Variants in MACROD2 observed in about 807,000 individuals in gnomAD.
MACROD2 encodes ADP-ribose glycohydrolase MACROD2.
MACROD2 carries 36 observed loss-of-function variants against 70.4 expected under a neutral mutation model. The observed-to-expected ratio is 0.51, with a 90% confidence interval of 0.39 to 0.68. The LOEUF (loss-of-function observed/expected upper bound fraction) is 0.68, where lower values mean the gene tolerates loss of function less well. Ranked by LOEUF, MACROD2 falls within the 30% of genes least tolerant of loss-of-function variation. The pLI, the probability that MACROD2 is intolerant of heterozygous loss-of-function variation, is 0.00. For synonymous variants in MACROD2, 172 were observed against 178.8 expected (o/e 0.96, Z 0.30); for missense variants, 496 against 538.4 (o/e 0.92, Z 0.78).
chr20:14,335,146 G>C (rs1420213312), intron 3 of MACROD2, among the ~76,000 whole-genome samples: 1 of 152,186 alleles, frequency 6.6e-6, no homozygotes, highest in Admixed American at 6.5e-5. Context: ...GCCTTAGGGT[G>C]TGTGGCCAAG....
chr20:14,169,924 C>T (rs928430298), intron 3 of MACROD2, among the ~76,000 whole-genome samples: 13 of 151,888 alleles, frequency 8.6e-5, no homozygotes, highest in Non-Finnish European at 1.2e-4. Context: ...GACAGAGTCT[C>T]GCTCTGTCGC....
At chr20:14,868,747 C>T (rs1033388665) in intron 5 of MACROD2, among the ~76,000 whole-genome samples, 2 of 152,094 alleles carry the variant, frequency 1.3e-5, no homozygotes, top group African/African-American at 4.8e-5. Context: ...GATAGCTCCT[C>T]CTCAACTCAA....
At position 15,511,643 on chromosome 20, in the gene MACROD2, T is replaced by C. The variant is rs1298612314; in HGVS notation, c.645+11796T>C. Among the ~76,000 whole-genome samples, 11 of 152,214 alleles carry C rather than the reference T, an allele frequency of 7.2e-5. No individual in the cohort carries two copies. The East Asian group carries it at 2.1e-3, about 29-fold the overall frequency. On this transcript the variant is annotated intron_variant, in intron 8 of 17. Transcript: ENST00000684519. ...GAACATTGCATAAGAATAACTCAGC[T>C]GTATATATTTTGCAACATAAATGTT... is the stretch of plus-strand genomic sequence containing the variant.
At chr20:14,448,497 T>G (rs897135808) in intron 3 of MACROD2, among the ~76,000 whole-genome samples, 1 of 151,774 alleles carries the variant, frequency 6.6e-6, no homozygotes, top group Non-Finnish European at 1.5e-5. Context: ...GCCAACATAG[T>G]GAAACCCCAT....
At chr20:14,394,844 A>T (rs1008059033) in intron 3 of MACROD2, among the ~76,000 whole-genome samples, 1 of 152,156 alleles carries the variant, frequency 6.6e-6, no homozygotes, top group Non-Finnish European at 1.5e-5. Flanking sequence ...GCATCTATTG[A>T]TATGATTATA....
intron 10 of MACROD2, among the ~76,000 whole-genome samples, chr20:15,920,175 GAGA>G (rs1291555899): frequency 1.3e-5 from 2 of 152,188 alleles, no homozygotes; most frequent in African/African-American, 4.8e-5. Flanking sequence ...ATATATGTAG[GAGA>G]AGAAGGAATG....
intron 8 of MACROD2, among the ~76,000 whole-genome samples, chr20:15,670,528 G>C (rs1042674043): frequency 4.7e-5 from 7 of 148,912 alleles, no homozygotes; most frequent in African/African-American, 1.5e-4. Context: ...CCTCCTGATT[G>C]CCTGTTGCTG....
chr20:14,506,938 G>A (rs907432401), intron 4 of MACROD2, among the ~76,000 whole-genome samples: 5 of 152,116 alleles, frequency 3.3e-5, no homozygotes, highest in African/African-American at 7.2e-5. Context: ...GTGACAGAGC[G>A]AGACTCTGTC....
chr20:14,227,354 T>G (rs1199841416), intron 3 of MACROD2, among the ~76,000 whole-genome samples: 1 of 152,184 alleles, frequency 6.6e-6, no homozygotes, highest in East Asian at 1.9e-4. Flanking sequence ...CAATAAATCT[T>G]GGTACTGTTC....
intron 8 of MACROD2, among the ~76,000 whole-genome samples, chr20:15,718,375 A>C (rs1456751555): frequency 1.3e-5 from 2 of 152,218 alleles, no homozygotes; most frequent in Non-Finnish European, 2.9e-5. Flanking sequence ...TCTACCAAAA[A>C]CATTGGCTCC....
chr20:14,300,243 A>G (rs570098446), intron 3 of MACROD2, among the ~76,000 whole-genome samples: 1 of 152,354 alleles, frequency 6.6e-6, no homozygotes, highest in Admixed American at 6.5e-5. Flanking sequence ...TTTATTATGT[A>G]TCACACATTC....
chr20:14,038,485 CTGT>C (rs999956287), intron 2 of MACROD2, among the ~76,000 whole-genome samples: 1 of 152,204 alleles, frequency 6.6e-6, no homozygotes, highest in African/African-American at 2.4e-5. Flanking sequence ...CGTCATACTG[CTGT>C]TGAGTGGCAA....
intron 12 of MACROD2, among the ~76,000 whole-genome samples, chr20:15,944,286 A>C (rs8123089): frequency 0.17 from 25,371 of 152,002 alleles, 2,200 homozygotes; most frequent in South Asian, 0.28. Context: ...TTATTACACA[A>C]AAAAAATAAG....
chr20:14,456,045 G>T (rs879921950), intron 3 of MACROD2, among the ~76,000 whole-genome samples: 1 of 151,648 alleles, frequency 6.6e-6, no homozygotes, highest in Admixed American at 6.6e-5. Context: ...ATGAATTAAA[G>T]AATTCTCTTG....
intron 5 of MACROD2, among the ~76,000 whole-genome samples, chr20:14,859,807 T>C (rs950352930): frequency 3.9e-5 from 6 of 152,292 alleles, no homozygotes; most frequent in Middle Eastern, 3.4e-3. Context: ...ATCTTTGCTA[T>C]GGTCTGTGGT....
chr20:15,076,907 C>T (rs987399150), intron 5 of MACROD2, among the ~76,000 whole-genome samples: 2 of 152,080 alleles, frequency 1.3e-5, no homozygotes, highest in Non-Finnish European at 2.9e-5. Flanking sequence ...AATGCAATAT[C>T]TGGTAGTTCA....
chr20:14,242,036 T>G lies in MACROD2; in HGVS notation c.271+156308T>G, dbSNP rs550081927. Among the ~76,000 whole-genome samples the G allele has an allele frequency of 3.3e-4, 50 of 152,240 alleles. No homozygotes were observed. The East Asian group carries it at 9.3e-3, about 28-fold the overall frequency. ...TATATTAAAATGAGAAAATGCACAG[T>G]GATAGAAGTCAGATTAAAGGTCATG... On this transcript the variant is annotated intron_variant, in intron 3 of 17. Transcript: ENST00000684519.
At chr20:14,789,092 C>T (rs2123798338) in intron 5 of MACROD2, among the ~76,000 whole-genome samples, 2 of 151,862 alleles carry the variant, frequency 1.3e-5, no homozygotes, top group East Asian at 3.9e-4. Context: ...TAAAAGGTAT[C>T]CTTGCTGTAA....
chr20:15,075,820 AGGG>A (rs1267383268), intron 5 of MACROD2, among the ~76,000 whole-genome samples: 1 of 152,180 alleles, frequency 6.6e-6, no homozygotes, highest in Non-Finnish European at 1.5e-5. Flanking sequence ...TGACCACTGC[AGGG>A]TAGAGAAGAG....
Sources: gnomAD v4.1 joint callset for allele counts (sites outside exome capture counted in the v4.1 genomes callset) on GRCh38, gnomAD v4.1.1 for gene constraint, MANE v1.5 for transcripts, NCBI Gene and HGNC (gene_info 2026-07-23, HGNC 2026-07-21) for gene names.